FER1L6: variants seen among roughly 807,000 people sequenced by gnomAD.
FER1L6 encodes the protein fer-1 like family member 6.
In FER1L6, 177 loss-of-function variants were observed where a neutral mutation model predicts 219.2. That is an observed-to-expected ratio of 0.81 (90% confidence interval 0.71 to 0.91). FER1L6 has a LOEUF of 0.91. Ranked by LOEUF, FER1L6 falls within the 40% of genes least tolerant of loss-of-function variation. The pLI, the probability that FER1L6 is intolerant of heterozygous loss-of-function variation, is 0.00. For missense variants in FER1L6, 2,153 were observed against 2,259.9 expected, an observed-to-expected ratio of 0.95 and a Z score of 0.96; for synonymous variants, 768 against 824.3, an observed-to-expected ratio of 0.93 and a Z score of 1.17.
At chr8:123,858,048 T>TG (rs1447948595) in intron 1 of FER1L6, among the ~76,000 whole-genome samples, 1 of 152,170 alleles carries the variant, frequency 6.6e-6, no homozygotes, top group Non-Finnish European at 1.5e-5. Context: ...GGCCAGGGAC[T>TG]GGGGGTCATC....
chr8:124,114,894 C>CGTAT (rs1823173694), intron 39 of FER1L6, among the ~76,000 whole-genome samples: 2 of 30,966 alleles, frequency 6.5e-5, no homozygotes, highest in African/African-American at 1.6e-4. Context: ...TGTGTGTGTG[C>CGTAT]GTATATATAT....
chr8:124,112,899 T>C (rs1278426005), intron 39 of FER1L6, among the ~76,000 whole-genome samples: 2 of 152,218 alleles, frequency 1.3e-5, no homozygotes, highest in Non-Finnish European at 2.9e-5. Context: ...AATGTGAATG[T>C]ATAGGAAATT....
At chr8:123,954,301 C>G (rs1362397962) in intron 1 of FER1L6, among the ~76,000 whole-genome samples, 1 of 152,174 alleles carries the variant, frequency 6.6e-6, no homozygotes, top group Non-Finnish European at 1.5e-5. Context: ...GTCTTCTCTA[C>G]AACATCCTTT....
At chr8:124,040,093 A>T (rs1341457123) in intron 20 of FER1L6, 87 bp downstream of exon 20, 26 of 1,540,514 alleles carry the variant, frequency 1.7e-5, no homozygotes, top group Non-Finnish European at 2.2e-5. Flanking sequence ...CAACGGGGGC[A>T]TGTTGCAAAT....
At chr8:123,936,008 C>T (rs1813983327) in intron 1 of FER1L6, among the ~76,000 whole-genome samples, 4 of 151,156 alleles carry the variant, frequency 2.6e-5, no homozygotes, top group African/African-American at 9.7e-5. Flanking sequence ...GGGTTGGGAA[C>T]TTCTAGATGG....
chr8:124,006,103 G>T (rs1817644332), intron 13 of FER1L6, among the ~76,000 whole-genome samples: 1 of 152,198 alleles, frequency 6.6e-6, no homozygotes, highest in African/African-American at 2.4e-5. Flanking sequence ...GGCCATCAGT[G>T]AGGGAACAGC....
chr8:124,013,767 A>G (rs1231500881), intron 15 of FER1L6: 1 of 304,548 alleles, frequency 3.3e-6, no homozygotes, highest in Non-Finnish European at 6.2e-6. Flanking sequence ...GACTTACTAC[A>G]GAGACTCTGT....
intron 21 of FER1L6, among the ~76,000 whole-genome samples, chr8:124,048,202 A>G (rs1225398782): frequency 6.6e-6 from 1 of 152,244 alleles, no homozygotes; most frequent in Non-Finnish European, 1.5e-5. Context: ...GGGGTTGCAC[A>G]TATTGCTTCA....
At chr8:123,981,625 T>TA (rs1470749445) in intron 11 of FER1L6, among the ~76,000 whole-genome samples, 1 of 152,102 alleles carries the variant, frequency 6.6e-6, no homozygotes, top group East Asian at 1.9e-4. Flanking sequence ...CAAAGGGGTA[T>TA]AGCAGCAGGT....
At chr8:123,969,886 A>AAT in intron 5 of FER1L6, 149 bp from the exon 6 acceptor site, 2 of 576,082 alleles carry the variant, frequency 3.5e-6, no homozygotes, top group Non-Finnish European at 3.1e-6. Context: ...AAAAAAAAAA[A>AAT]GAGAATTGAC....
intron 1 of FER1L6, among the ~76,000 whole-genome samples, chr8:123,953,116 C>G (rs1199649827): frequency 6.6e-6 from 1 of 152,174 alleles, no homozygotes; most frequent in East Asian, 1.9e-4. Context: ...GCCATGCCTC[C>G]TCTTACTGCT....
intron 19 of FER1L6, among the ~76,000 whole-genome samples, chr8:124,038,114 C>A (rs965763275): frequency 6.6e-6 from 1 of 152,138 alleles, no homozygotes; most frequent in Non-Finnish European, 1.5e-5. Context: ...TGTCTGTGTC[C>A]CTAGACTCTA....
In FER1L6 at chr8:123,980,719, GCTGACA is replaced by G. The variant is rs1173210162; in HGVS notation, c.1319_1324del (p.Ala440_Lys442delinsGlu). 6.2e-7 allele frequency: 1 copy of G among 1,614,036 alleles called. No individual in the cohort carries two copies. The highest frequency in any genetic ancestry group is 1.3e-5 in the African/African-American group (1 of 74,932). On this transcript the variant is annotated inframe_deletion, in exon 11 of 41. Coordinates refer to ENST00000522917, the MANE Select transcript of FER1L6 (RefSeq NM_001039112.2). ...CAAATCTTCCAAAGGTAAAGACAAG[GCTGACA>G]AAACTGAAGATGGAAAATCCCAACA...
At chr8:124,109,909 G>A (rs915678970) in intron 39 of FER1L6, among the ~76,000 whole-genome samples, 3 of 152,204 alleles carry the variant, frequency 2.0e-5, no homozygotes, top group Non-Finnish European at 2.9e-5. Context: ...AGTTCTGAAA[G>A]ACTGAACATA....
At chr8:124,112,699 A>G (rs547554835) in intron 39 of FER1L6, among the ~76,000 whole-genome samples, 17 of 152,360 alleles carry the variant, frequency 1.1e-4, no homozygotes, top group Admixed American at 3.9e-4. Context: ...GTCAGCATCT[A>G]TTATGGCTAC....
At chr8:123,887,032 T>C (rs1374846988) in intron 1 of FER1L6, among the ~76,000 whole-genome samples, 1 of 152,142 alleles carries the variant, frequency 6.6e-6, no homozygotes, top group East Asian at 1.9e-4. Context: ...ATCAAAGAAC[T>C]GAAACTCACC....
intron 1 of FER1L6, among the ~76,000 whole-genome samples, chr8:123,854,619 T>C (rs1816595980): frequency 6.6e-6 from 1 of 152,228 alleles, no homozygotes; most frequent in South Asian, 2.1e-4. Flanking sequence ...GGGTATCTTC[T>C]GTCCCTTTAT....
At chr8:123,961,992 C>T (rs1815306933) in intron 2 of FER1L6, among the ~76,000 whole-genome samples, 2 of 151,038 alleles carry the variant, frequency 1.3e-5, no homozygotes, top group Admixed American at 6.6e-5. Context: ...TGGGTTCAAG[C>T]GATTCTTCTG....
At chr8:124,081,501 A>C (rs1821549863) in intron 32 of FER1L6, among the ~76,000 whole-genome samples, 1 of 151,338 alleles carries the variant, frequency 6.6e-6, no homozygotes, top group Admixed American at 6.6e-5. Flanking sequence ...TATAAAATGA[A>C]GGGATTGGAT....
Sources: gnomAD v4.1 joint callset for allele counts (sites outside exome capture counted in the v4.1 genomes callset) on GRCh38, gnomAD v4.1.1 for gene constraint, MANE v1.5 for transcripts, NCBI Gene and HGNC (gene_info 2026-07-23, HGNC 2026-07-21) for gene names.